EML5: variants seen among roughly 807,000 people sequenced by gnomAD.
The protein encoded by EML5 is echinoderm microtubule-associated protein-like 5.
Under a neutral mutation model 250.0 loss-of-function variants are expected in EML5, and 120 were observed. The observed-to-expected ratio is 0.48, with a 90% CI of 0.41 to 0.56. EML5 has a LOEUF of 0.56. Ranked by LOEUF, EML5 falls within the 20% of genes least tolerant of loss-of-function variation. EML5 has a pLI of 0.00. For synonymous variants in EML5, 771 were observed against 806.5 expected (o/e 0.96, Z 0.75); for missense variants, 2,006 against 2,437.6 (o/e 0.82, Z 3.73).
intron 37 of EML5, chr14:88,621,534 T>A: frequency 1.8e-6 from 1 of 550,112 alleles, no homozygotes; most frequent in Non-Finnish European, 3.2e-6. Flanking sequence ...GAATAGAACT[T>A]TTCTGTGGCA....
chr14:88,727,072 C>T (rs929480329), intron 7 of EML5, among the ~76,000 whole-genome samples: 19 of 151,716 alleles, frequency 1.3e-4, no homozygotes, highest in South Asian at 6.2e-4. Context: ...GTTTTGGTAT[C>T]CTTTTAGCAC....
At chr14:88,625,231 A>G (rs1047173765) in intron 35 of EML5, 104 bp from the exon 36 acceptor site, 31 of 1,337,758 alleles carry the variant, frequency 2.3e-5, no homozygotes, top group Admixed American at 6.8e-5. Flanking sequence ...CCCTTGATAC[A>G]AAGAGCATGC....
chr14:88,641,057 T>C (rs997933737), intron 31 of EML5, among the ~76,000 whole-genome samples: 10 of 151,946 alleles, frequency 6.6e-5, no homozygotes, highest in African/African-American at 2.4e-4. Context: ...CCTCTCAAGA[T>C]TGAATCAGGA....
chr14:88,789,359 G>A (rs947068733), intron 1 of EML5, among the ~76,000 whole-genome samples: 54 of 152,134 alleles, frequency 3.5e-4, no homozygotes, highest in Non-Finnish European at 6.6e-4. Context: ...ATATAAACCA[G>A]TTACTAAGAT....
At chr14:88,742,985 C>T (rs954492224) in intron 4 of EML5, among the ~76,000 whole-genome samples, 3 of 151,976 alleles carry the variant, frequency 2.0e-5, no homozygotes, top group Admixed American at 6.6e-5. Context: ...CAAGTTAATT[C>T]CAATTTGTTC....
chr14:88,616,037 AAT>A, intron 43 of EML5, 103 bp downstream of exon 43: 1 of 1,322,354 alleles, frequency 7.6e-7, no homozygotes, highest in Non-Finnish European at 1.1e-6. Flanking sequence ...ACCTTCTACT[AAT>A]GTTGACTAGC....
At chr14:88,748,243 T>G (rs184510055) in intron 2 of EML5, among the ~76,000 whole-genome samples, 1 of 152,320 alleles carries the variant, frequency 6.6e-6, no homozygotes, top group East Asian at 1.9e-4. Flanking sequence ...TATGAGGTCA[T>G]GCAAAGAAGA....
intron 1 of EML5, among the ~76,000 whole-genome samples, chr14:88,788,199 A>G (rs1441309760): frequency 6.6e-6 from 1 of 152,158 alleles, no homozygotes; most frequent in African/African-American, 2.4e-5. Context: ...AAATCTATCT[A>G]CCGTGCAAAT....
At chr14:88,736,256 C>A in intron 7 of EML5, 108 bp downstream of exon 7, 2 of 1,292,868 alleles carry the variant, frequency 1.5e-6, no homozygotes, top group Non-Finnish European at 2.2e-6. Flanking sequence ...GCCTTGGCCT[C>A]CCAAAGTGCT....
chr14:88,668,099 T>C (rs1180011276), intron 21 of EML5, among the ~76,000 whole-genome samples: 1 of 152,244 alleles, frequency 6.6e-6, no homozygotes, highest in Non-Finnish European at 1.5e-5. Flanking sequence ...TCACTCTCCC[T>C]TAGTACTAGG....
chr14:88,696,946 T>G lies in EML5; in HGVS notation c.2245A>C (p.Arg749=), dbSNP rs766025085. ...KDYVATGQVG[R]DPSIHIWDTE... is the part of the protein sequence containing the mutation. ...TCCCATATATGAATTGAGGGATCTC[T>G]ACCAACCTAAAATAGAATTATAGAA... is the stretch of plus-strand genomic sequence containing the variant. Residue 749 remains arginine (R), a synonymous_variant, in exon 15 of 44, where the codon AGA becomes CGA. Coordinates refer to ENST00000554922, the MANE Select transcript of EML5 (RefSeq NM_183387.3). 4 of 1,570,754 alleles carry G rather than the reference T, an allele frequency of 2.5e-6. No homozygotes were observed. The highest frequency in any genetic ancestry group is 1.7e-4 in the Middle Eastern group (1 of 5,924).
At chr14:88,704,539 T>G (rs899381213) in intron 13 of EML5, among the ~76,000 whole-genome samples, 1 of 152,234 alleles carries the variant, frequency 6.6e-6, no homozygotes, top group Non-Finnish European at 1.5e-5. Flanking sequence ...GTGACTTGTT[T>G]AAAGTCACAA....
At chr14:88,722,631 G>A (rs759624876) in intron 8 of EML5, among the ~76,000 whole-genome samples, 3 of 151,972 alleles carry the variant, frequency 2.0e-5, no homozygotes, top group Admixed American at 6.6e-5. Context: ...TGAGGGGAGG[G>A]GGAGCATTAG....
intron 1 of EML5, among the ~76,000 whole-genome samples, chr14:88,758,700 T>C (rs1183045141): frequency 3.9e-5 from 6 of 152,320 alleles, no homozygotes; most frequent in Middle Eastern, 3.4e-3. Context: ...TGAAAACATA[T>C]GTCCACACAA....
intron 1 of EML5, among the ~76,000 whole-genome samples, chr14:88,760,877 T>C (rs952868505): frequency 6.6e-6 from 1 of 152,138 alleles, no homozygotes; most frequent in Non-Finnish European, 1.5e-5. Context: ...CTTGCATAGA[T>C]TTTGTAAAAT....
chr14:88,616,582 T>C, intron 42 of EML5, 144 bp downstream of exon 42: 2 of 829,586 alleles, frequency 2.4e-6, no homozygotes, highest in Non-Finnish European at 1.8e-6. Flanking sequence ...TAATAGCTTT[T>C]ATTTCAAAGT....
chr14:88,776,097 C>A (rs2094445163), intron 1 of EML5, among the ~76,000 whole-genome samples: 1 of 152,198 alleles, frequency 6.6e-6, no homozygotes, highest in Non-Finnish European at 1.5e-5. Context: ...CAGCTTAGAT[C>A]ACAACACCCA....
intron 28 of EML5, among the ~76,000 whole-genome samples, chr14:88,649,625 T>G (rs2091526069): frequency 1.3e-5 from 2 of 152,172 alleles, no homozygotes; most frequent in Non-Finnish European, 2.9e-5. Flanking sequence ...GGTTTGTTTT[T>G]ACGAGCCTCT....
At chr14:88,625,690 C>T (rs2089835019) in intron 35 of EML5, 2 of 152,492 alleles carry the variant, frequency 1.3e-5, no homozygotes, top group African/African-American at 4.8e-5. Flanking sequence ...GTGTGAGCCA[C>T]TGTGCCCGGC....
Sources: allele counts gnomAD v4.1 joint callset (sites outside exome capture counted in the v4.1 genomes callset), GRCh38; gene constraint gnomAD v4.1.1; transcripts MANE v1.5; gene names NCBI Gene and HGNC (gene_info 2026-07-23, HGNC 2026-07-21).